CEACAM20: variants seen among roughly 807,000 people sequenced by gnomAD.
CEACAM20 encodes CEA cell adhesion molecule 20, also known as cell adhesion molecule CEACAM20.
In CEACAM20, 50 loss-of-function variants were observed where a neutral mutation model predicts 61.2. The ratio of observed to expected loss-of-function variants is 0.82; its 90% confidence interval spans 0.65 to 1.03. CEACAM20 has a LOEUF of 1.03. Among genes scored for constraint, CEACAM20 ranks in the 50% least tolerant of loss-of-function variants. CEACAM20 has a pLI of 0.00. For missense variants in CEACAM20, 683 were observed against 736.4 expected, an observed-to-expected ratio of 0.93 and a Z score of 0.84; for synonymous variants, 282 against 287.7, an observed-to-expected ratio of 0.98 and a Z score of 0.20.
chr19:44,513,494 AGTGGAGTGGC>A (rs1174359880), intron 6 of CEACAM20, among the ~76,000 whole-genome samples: 2 of 123,728 alleles, frequency 1.6e-5, no homozygotes, highest in Non-Finnish European at 3.2e-5. Context: ...CCCAGACTGG[AGTGGAGTGGC>A]GTGACCTCAG....
At chr19:44,516,531 T>A (rs1257592277) in intron 6 of CEACAM20, among the ~76,000 whole-genome samples, 1 of 152,232 alleles carries the variant, frequency 6.6e-6, no homozygotes, top group Non-Finnish European at 1.5e-5. Flanking sequence ...TTCTCTCTTG[T>A]CTGCCACCAT....
rs1971003537 is a variant in CEACAM20, at chr19:44,511,668, T to G, written c.1580A>C (p.Gln527Pro). 1 of 1,612,668 alleles carries G rather than the reference T, an allele frequency of 6.2e-7. No homozygotes were observed. The highest frequency in any genetic ancestry group is 1.3e-5 in the African/African-American group (1 of 74,914). The change falls in exon 10 of 12, where the codon CAA (glutamine) becomes CCA (proline). Residue 527 changes from glutamine to proline, a missense_variant. Coordinates refer to ENST00000614924, the MANE Select transcript of CEACAM20 (RefSeq NM_001102597.3). ...GGTCTCCTCTGGAAGGTCTGGTGGT[T>G]GCATCTGGGGAAAAACAAAGTTGCA... is the stretch of plus-strand genomic sequence containing the variant. ...LQGRIRVELM[Q>P]PPDLPEETYE...
At position 44,525,087 on chromosome 19, in the gene CEACAM20, T is replaced by C; in HGVS notation, c.196+14A>G. The stretch of plus-strand genomic sequence containing the variant: ...GCAGAGATCAGAATGACCGTCTTGT[T>C]TTCTGGCCCCTACCTCTGGATCTGC... On this transcript the variant is annotated intron_variant, in intron 2 of 11. Coordinates refer to ENST00000614924, the MANE Select transcript of CEACAM20 (RefSeq NM_001102597.3). The C allele has an allele frequency of 1.2e-6, 2 of 1,609,068 alleles. No homozygotes were observed. Among genetic ancestry groups the C allele is most frequent in the Non-Finnish European group, 1.7e-6 (2 of 1,177,912 alleles).
At chr19:44,528,646 C>T (rs1971609977) in intron 1 of CEACAM20, among the ~76,000 whole-genome samples, 1 of 150,504 alleles carries the variant, frequency 6.6e-6, no homozygotes, top group Non-Finnish European at 1.5e-5. Flanking sequence ...GTGACTCCAT[C>T]TTTCTCTGTC....
intron 3 of CEACAM20, 75 bp from the exon 4 acceptor site, chr19:44,522,987 C>A: frequency 8.0e-7 from 1 of 1,249,402 alleles, no homozygotes; most frequent in South Asian, 1.4e-5. Context: ...TTTAACGGAT[C>A]AATAAATACT....
In CEACAM20 at chr19:44,524,162, A is replaced by G. The variant is rs759460136; in HGVS notation, c.296T>C (p.Ile99Thr). 6.2e-7 allele frequency: 1 copy of G among 1,613,814 alleles called. No individual in the cohort carries two copies. The highest frequency in any genetic ancestry group is 8.5e-7 in the Non-Finnish European group (1 of 1,179,886). ...GGAGAGGTTGTTGGAAACCCAGTGG[A>G]TGGTAATGTTGACGTCCTTAGTGGT... ...YCTTKDVNITIHWVSNNLSIV... is the reference protein window; with the variant it reads ...YCTTKDVNITTHWVSNNLSIV... Residue 99 changes from isoleucine to threonine, a missense_variant, in exon 3 of 12, where the codon ATC becomes ACC. Ile to Thr is a moderately conservative substitution (Grantham distance 89). Coordinates refer to ENST00000614924, the MANE Select transcript of CEACAM20 (RefSeq NM_001102597.3).
chr19:44,518,149 AG>A (rs1599676168), intron 5 of CEACAM20, among the ~76,000 whole-genome samples: 1,473 of 84,614 alleles, frequency 0.017, 110 homozygotes, highest in African/African-American at 0.031. Context: ...GAAGGAAGGA[AG>A]GAAGGAAGGA....
chr19:44,514,982 T>A (rs1267518827), intron 6 of CEACAM20, among the ~76,000 whole-genome samples: 1 of 150,904 alleles, frequency 6.6e-6, no homozygotes, highest in Non-Finnish European at 1.5e-5. Flanking sequence ...TGATTACAGG[T>A]ACCCACCACC....
At chr19:44,520,368 A>T in intron 5 of CEACAM20, 106 bp downstream of exon 5, 2 of 1,430,208 alleles carry the variant, frequency 1.4e-6, no homozygotes, top group South Asian at 1.4e-5. Flanking sequence ...CATGCCTGAC[A>T]CAGAGCAGGA....
chr19:44,518,672 C>A (rs1008092828), intron 5 of CEACAM20, among the ~76,000 whole-genome samples: 1 of 152,048 alleles, frequency 6.6e-6, no homozygotes, highest in African/African-American at 2.4e-5. Context: ...TTGAGACATT[C>A]TAGGAGGGGA....
intron 2 of CEACAM20, 68 bp downstream of exon 2, chr19:44,525,033 T>C: frequency 1.3e-6 from 2 of 1,577,262 alleles, no homozygotes; most frequent in South Asian, 1.2e-5. Context: ...ACTTTGGGCG[T>C]GAGGTTCGGA....
intron 1 of CEACAM20, among the ~76,000 whole-genome samples, chr19:44,527,937 G>C (rs563787243): frequency 6.6e-6 from 1 of 151,998 alleles, no homozygotes. Context: ...ATCCTGATCC[G>C]TGGACCTGGC....
intron 11 of CEACAM20, among the ~76,000 whole-genome samples, chr19:44,506,867 C>T (rs1407947895): frequency 2.6e-5 from 4 of 152,250 alleles, no homozygotes; most frequent in Non-Finnish European, 1.5e-5. Context: ...CCCACAGAAA[C>T]TGTGAGATAA....
chr19:44,528,769 T>G (rs1356113304), intron 1 of CEACAM20, among the ~76,000 whole-genome samples: 1 of 151,640 alleles, frequency 6.6e-6, no homozygotes, highest in Non-Finnish European at 1.5e-5. Context: ...CTGTATTTTT[T>G]TCTGTCTCTG....
intron 2 of CEACAM20, among the ~76,000 whole-genome samples, chr19:44,524,880 C>G (rs1293562828): frequency 1.3e-5 from 2 of 151,706 alleles, no homozygotes; most frequent in Non-Finnish European, 2.9e-5. Flanking sequence ...TGCACCCAGC[C>G]CCCCTACCCA....
chr19:44,511,139 G>A lies in CEACAM20; in HGVS notation c.1628C>T (p.Ala543Val), dbSNP rs1453330691. 4.3e-6 allele frequency: 7 copies of A among 1,613,660 alleles called. No individual in the cohort carries two copies. Among genetic ancestry groups the A allele is most frequent in the Non-Finnish European group, 3.4e-6 (4 of 1,179,796 alleles). Residue 543 changes from alanine to valine, a missense_variant, in exon 11 of 12, where the codon GCA (alanine) becomes GTA (valine). Transcript: ENST00000614924. ...GCTGAAAGAATTGCCTCTACGGCTT[G>A]CTGAAGGCAGCTTCGTCTGCAAGTA... ...EETYETKLPS[A>V]SRRGNSFSPW... is the part of the protein sequence containing the mutation.
chr19:44,515,788 GC>G (rs1971137171), intron 6 of CEACAM20, among the ~76,000 whole-genome samples: 1 of 151,968 alleles, frequency 6.6e-6, no homozygotes, highest in African/African-American at 2.4e-5. Context: ...ACATAGGGAG[GC>G]CCCGTCTCTA....
chr19:44,529,638 A>C lies in CEACAM20; in HGVS notation c.-129T>G. ...TCCTCTCCCACCCTGCTACAAACTC[A>C]CACACACACTGCAGTAACTGCAGCT... On this transcript the variant is annotated 5_prime_UTR_variant, in exon 1 of 12. Coordinates refer to ENST00000614924, the MANE Select transcript of CEACAM20 (RefSeq NM_001102597.3). The C allele has an allele frequency of 2.8e-6, 2 of 705,106 alleles. No individual in the cohort carries two copies. Among genetic ancestry groups the C allele is most frequent in the South Asian group, 1.7e-5 (1 of 57,814 alleles). The allele number at this position is 705,106 out of a possible 1,614,324, so 43.7% of individuals were successfully genotyped here. A position where few individuals can be genotyped will look rare whatever the true frequency, so the allele number is the denominator to read the frequency against.
At chr19:44,515,239 G>C (rs1190034628) in intron 6 of CEACAM20, among the ~76,000 whole-genome samples, 1 of 151,648 alleles carries the variant, frequency 6.6e-6, no homozygotes, top group Non-Finnish European at 1.5e-5. Context: ...TGATGATGAT[G>C]ATGATGATGA....
Sources: gnomAD v4.1 joint callset for allele counts (sites outside exome capture counted in the v4.1 genomes callset) on GRCh38, gnomAD v4.1.1 for gene constraint, MANE v1.5 for transcripts, NCBI Gene and HGNC (gene_info 2026-07-23, HGNC 2026-07-21) for gene names.